Variants in SLC9A9 observed in about 807,000 individuals in gnomAD.
The protein encoded by SLC9A9 is solute carrier family 9 member A9.
SLC9A9 carries 62 observed loss-of-function variants against 77.8 expected under a neutral mutation model. The ratio of observed to expected loss-of-function variants is 0.80; its 90% CI spans 0.65 to 0.98. The LOEUF is 0.98. Ranked by LOEUF, SLC9A9 falls within the 50% of genes least tolerant of loss-of-function variation. SLC9A9 has a pLI of 0.00. For missense variants in SLC9A9, 775 were observed against 774.9 expected (o/e 1.00, Z 0.00); for synonymous variants, 320 against 283.5 (o/e 1.13, Z -1.29).
intron 9 of SLC9A9, among the ~76,000 whole-genome samples, chr3:143,530,822 C>T (rs2036499174): frequency 6.6e-6 from 1 of 152,196 alleles, no homozygotes; most frequent in Non-Finnish European, 1.5e-5. Context: ...GGTGGCTACT[C>T]TAACTGAATT....
intron 4 of SLC9A9, among the ~76,000 whole-genome samples, chr3:143,780,220 T>TA (rs1263059748): frequency 1.3e-4 from 20 of 152,118 alleles, no homozygotes; most frequent in Non-Finnish European, 2.9e-5. Flanking sequence ...TGCCAAATTA[T>TA]AAAAAATCAA....
intron 12 of SLC9A9, among the ~76,000 whole-genome samples, chr3:143,388,025 T>A (rs975052627): frequency 1.3e-5 from 2 of 152,178 alleles, no homozygotes; most frequent in East Asian, 3.9e-4. Context: ...TGGGGGAAGA[T>A]ACATTATTTC....
chr3:143,506,727 A>G (rs543118781), intron 9 of SLC9A9, among the ~76,000 whole-genome samples: 1 of 152,118 alleles, frequency 6.6e-6, no homozygotes, highest in Non-Finnish European at 1.5e-5. Flanking sequence ...TGCTGGTTAC[A>G]TTCAAACAAG....
intron 12 of SLC9A9, among the ~76,000 whole-genome samples, chr3:143,431,597 C>T (rs1486685490): frequency 6.6e-6 from 1 of 151,904 alleles, no homozygotes; most frequent in African/African-American, 2.4e-5. Flanking sequence ...ATTCTCCTGC[C>T]TCAGCCTCCT....
At chr3:143,629,626 C>T (rs1481802630) in intron 6 of SLC9A9, among the ~76,000 whole-genome samples, 1 of 151,248 alleles carries the variant, frequency 6.6e-6, no homozygotes, top group Non-Finnish European at 1.5e-5. Context: ...GGAGAGAGAT[C>T]TACTAGCTAT....
At chr3:143,411,791 T>A (rs1470615529) in intron 12 of SLC9A9, among the ~76,000 whole-genome samples, 2 of 152,190 alleles carry the variant, frequency 1.3e-5, no homozygotes, top group African/African-American at 4.8e-5. Context: ...TAATTGTTTT[T>A]TTCATTGCCT....
At position 143,476,252 on chromosome 3, in the gene SLC9A9, A is replaced by G. The variant is rs117598551; in HGVS notation, c.1316-9062T>C. Among the ~76,000 whole-genome samples the G allele has an allele frequency of 2.6e-3, 398 of 152,320 alleles. 3 individuals carry two copies. The highest frequency in any genetic ancestry group is 0.02 in the Admixed American group (304 of 15,294). On this transcript the variant is annotated intron_variant, in intron 11 of 15. Transcript: ENST00000316549. ...CCAACAGATTGTTTTCAGTAGGAAAATCTTCTGCATTCAAAAATAAATTGA... is the reference window on the plus strand; with the variant it reads ...CCAACAGATTGTTTTCAGTAGGAAAGTCTTCTGCATTCAAAAATAAATTGA...
intron 14 of SLC9A9, among the ~76,000 whole-genome samples, chr3:143,274,258 T>A (rs1395313855): frequency 6.6e-6 from 1 of 152,196 alleles, no homozygotes; most frequent in African/African-American, 2.4e-5. Flanking sequence ...TCTCCATATC[T>A]CCATTCAGGA....
At chr3:143,615,043 C>T (rs1452247971) in intron 6 of SLC9A9, among the ~76,000 whole-genome samples, 1 of 152,114 alleles carries the variant, frequency 6.6e-6, no homozygotes, top group African/African-American at 2.4e-5. Context: ...CAGGGGTGTG[C>T]TACCCACAGT....
At chr3:143,736,899 G>A (rs914673431) in intron 4 of SLC9A9, among the ~76,000 whole-genome samples, 1 of 152,016 alleles carries the variant, frequency 6.6e-6, no homozygotes, top group African/African-American at 2.4e-5. Context: ...CAGTGGGTAG[G>A]GAACATTAAG....
At chr3:143,359,358 T>A (rs1399572281) in intron 14 of SLC9A9, among the ~76,000 whole-genome samples, 1 of 151,898 alleles carries the variant, frequency 6.6e-6, no homozygotes, top group East Asian at 1.9e-4. Flanking sequence ...CAAAGTCCAT[T>A]CTGTGTCGGG....
At chr3:143,466,019 G>A (rs2035274858) in intron 12 of SLC9A9, among the ~76,000 whole-genome samples, 1 of 152,198 alleles carries the variant, frequency 6.6e-6, no homozygotes, top group Non-Finnish European at 1.5e-5. Flanking sequence ...AATGGTTAAT[G>A]AAAGTGTTTA....
intron 5 of SLC9A9, among the ~76,000 whole-genome samples, chr3:143,690,585 G>A (rs1933432059): frequency 6.6e-6 from 1 of 152,088 alleles, no homozygotes; most frequent in Admixed American, 6.6e-5. Flanking sequence ...AAGCATACAG[G>A]AGAAAGTTGA....
At chr3:143,525,275 G>T (rs534512602) in intron 9 of SLC9A9, among the ~76,000 whole-genome samples, 1 of 152,228 alleles carries the variant, frequency 6.6e-6, no homozygotes, top group South Asian at 2.1e-4. Flanking sequence ...ACTATGAAAA[G>T]ACCTCATTGT....
At chr3:143,616,047 A>AT (rs948023549) in intron 6 of SLC9A9, among the ~76,000 whole-genome samples, 5 of 151,512 alleles carry the variant, frequency 3.3e-5, no homozygotes, top group African/African-American at 1.2e-4. Flanking sequence ...CGCCCAGCTA[A>AT]TTTTTTTTGG....
In SLC9A9 at chr3:143,589,225, C is replaced by A. The variant is rs141332991; in HGVS notation, c.756-10502G>T. Reference sequence around the variant, plus strand: ...TTTTTATAAGCATTATCTTCTTTAACCCTCAAAGTAAACCCCAAAGAAGGT... The same window carrying A: ...TTTTTATAAGCATTATCTTCTTTAAACCTCAAAGTAAACCCCAAAGAAGGT... On this transcript the variant is annotated intron_variant, in intron 6 of 15. Transcript: ENST00000316549. 5.1e-3 allele frequency among the ~76,000 whole-genome samples: 777 copies of A among 152,216 alleles called. 20 individuals carry two copies. Among genetic ancestry groups the A allele is most frequent in the Non-Finnish European group, 2.7e-3 (186 of 68,024 alleles).
intron 14 of SLC9A9, among the ~76,000 whole-genome samples, chr3:143,360,652 G>A (rs546728678): frequency 6.6e-6 from 1 of 152,186 alleles, no homozygotes; most frequent in Non-Finnish European, 1.5e-5. Flanking sequence ...GGAAAGGTAT[G>A]TATGTACTAC....
intron 12 of SLC9A9, among the ~76,000 whole-genome samples, chr3:143,419,715 T>C (rs1282122673): frequency 6.6e-6 from 1 of 152,086 alleles, no homozygotes; most frequent in African/African-American, 2.4e-5. Context: ...GGGATCCAGA[T>C]AAATGAACAG....
intron 12 of SLC9A9, among the ~76,000 whole-genome samples, chr3:143,434,866 T>A (rs2034591903): frequency 6.6e-6 from 1 of 152,138 alleles, no homozygotes; most frequent in African/African-American, 2.4e-5. Context: ...CTTTTCTTCA[T>A]GTCTCCCTTA....
Sources: allele counts gnomAD v4.1 joint callset (sites outside exome capture counted in the v4.1 genomes callset), GRCh38; gene constraint gnomAD v4.1.1; transcripts MANE v1.5; gene names NCBI Gene and HGNC (gene_info 2026-07-23, HGNC 2026-07-21).